Variants in HYKK observed in about 807,000 individuals in gnomAD.
HYKK encodes 5-hydroxy-L-lysine kinase.
In HYKK, 19 loss-of-function variants were observed where a neutral mutation model predicts 29.7. That is an observed-to-expected ratio of 0.64 (90% CI 0.45 to 0.94). HYKK has a LOEUF of 0.94. HYKK is among the 40% of genes least tolerant of loss of function. HYKK has a pLI of 0.00. For synonymous variants in HYKK, 152 were observed against 158.1 expected (o/e 0.96, Z 0.29); for missense variants, 390 against 443.4 (o/e 0.88, Z 1.08).
At chr15:78,515,917 T>C (rs913685441) in intron 3 of HYKK, among the ~76,000 whole-genome samples, 3 of 152,116 alleles carry the variant, frequency 2.0e-5, no homozygotes, top group African/African-American at 7.2e-5. Context: ...AAAAAATAAA[T>C]AAATCTTACT....
At chr15:78,530,344 G>T (rs1165217076) in intron 4 of HYKK, among the ~76,000 whole-genome samples, 1 of 152,046 alleles carries the variant, frequency 6.6e-6, no homozygotes, top group Non-Finnish European at 1.5e-5. Flanking sequence ...GTGGCCACAG[G>T]CGTGTGCCAC....
Position 78,533,689 on chromosome 15 carries a change from T to A in HYKK, c.*19T>A. 1 of 1,563,672 alleles carries A rather than the reference T, an allele frequency of 6.4e-7. No homozygotes were observed. The highest frequency in any genetic ancestry group is 8.8e-7 in the Non-Finnish European group (1 of 1,137,884). On this transcript the variant is annotated 3_prime_UTR_variant, in exon 5 of 5. Coordinates refer to ENST00000388988, the MANE Select transcript of HYKK (RefSeq NM_001013619.4). ...CATGTGACTGAGATCTCCATGTGAC[T>A]CAAAGTTCACTTTAACTTGGGTAAT...
At chr15:78,518,201 T>A (rs2052155976) in intron 3 of HYKK, among the ~76,000 whole-genome samples, 1 of 152,204 alleles carries the variant, frequency 6.6e-6, no homozygotes. Context: ...TTTTTTATTT[T>A]TTTTGAGACA....
chr15:78,508,583 G>T (rs190486039), intron 1 of HYKK, among the ~76,000 whole-genome samples: 1,565 of 152,064 alleles, frequency 0.01, 25 homozygotes, highest in African/African-American at 0.034. Context: ...TGCTTCCTGC[G>T]GGCTTTTTCA....
In HYKK at chr15:78,533,684, G is replaced by A; in HGVS notation, c.*14G>A. On this transcript the variant is annotated 3_prime_UTR_variant, in exon 5 of 5. Coordinates refer to ENST00000388988, the MANE Select transcript of HYKK (RefSeq NM_001013619.4). Reference sequence around the variant, plus strand: ...ATCTCCATGTGACTGAGATCTCCATGTGACTCAAAGTTCACTTTAACTTGG... The same window carrying A: ...ATCTCCATGTGACTGAGATCTCCATATGACTCAAAGTTCACTTTAACTTGG... 1 of 1,571,870 alleles carries A rather than the reference G, an allele frequency of 6.4e-7. No individual in the cohort carries two copies. Among genetic ancestry groups the A allele is most frequent in the Non-Finnish European group, 8.7e-7 (1 of 1,144,512 alleles).
rs574790152 is a variant in HYKK, at chr15:78,515,498, G to A, written c.477+391G>A. On this transcript the variant is annotated intron_variant, in intron 3 of 4. Coordinates refer to ENST00000388988, the MANE Select transcript of HYKK (RefSeq NM_001013619.4). ...CTTGGAAGACTGAGGCAGGAGAATC[G>A]CTTGAGCCAGGAGGTGGAGGTTGCA... is the stretch of plus-strand genomic sequence containing the variant. Among the ~76,000 whole-genome samples, 12 of 152,150 alleles carry A rather than the reference G, an allele frequency of 7.9e-5. No individual in the cohort carries two copies. The East Asian group carries it at 2.1e-3, about 27-fold the overall frequency.
At chr15:78,525,655 G>A (rs1486365970) in intron 3 of HYKK, among the ~76,000 whole-genome samples, 1 of 151,776 alleles carries the variant, frequency 6.6e-6, no homozygotes, top group East Asian at 1.9e-4. Context: ...CCACCACCAT[G>A]CCTGGCTAAT....
chr15:78,513,525 G>A, intron 2 of HYKK, 100 bp downstream of exon 2: 1 of 820,886 alleles, frequency 1.2e-6, no homozygotes, highest in Non-Finnish European at 1.9e-6. Flanking sequence ...AATTCCAAGT[G>A]TAGATGTGGT....
intron 2 of HYKK, among the ~76,000 whole-genome samples, chr15:78,514,481 G>A (rs953588395): frequency 9.2e-5 from 14 of 152,122 alleles, no homozygotes; most frequent in Admixed American, 5.9e-4. Flanking sequence ...CCAAATACGT[G>A]AGGCCCATTG....
At chr15:78,510,078 TTC>T (rs1277337220) in intron 1 of HYKK, among the ~76,000 whole-genome samples, 1 of 151,520 alleles carries the variant, frequency 6.6e-6, no homozygotes, top group Non-Finnish European at 1.5e-5. Context: ...CTCTTTTTTT[TTC>T]TTTCTTTCTT....
rs75392178 is a variant in HYKK at position 78,513,053 on chromosome 15, C to G, written c.-5-31C>G. 5,601 of 1,138,922 alleles carry G rather than the reference C, an allele frequency of 4.9e-3. 204 individuals carry two copies. The African/African-American group carries it at 0.074, about 15-fold the overall frequency. 70.6% of individuals were successfully genotyped at this position (1,138,922 alleles called of 1,614,324 possible). A position where few individuals can be genotyped will look rare whatever the true frequency, so the allele number is the denominator to read the frequency against. Reference sequence around the variant, plus strand: ...AAATAAATATATTCATCCTGTGTCCCCTTTCTGTTTGTTGCTTTTTGTTCC... The same window carrying G: ...AAATAAATATATTCATCCTGTGTCCGCTTTCTGTTTGTTGCTTTTTGTTCC... On this transcript the variant is annotated intron_variant, in intron 1 of 4. Coordinates refer to ENST00000388988, the MANE Select transcript of HYKK (RefSeq NM_001013619.4).
chr15:78,524,907 T>A (rs897771589), intron 3 of HYKK, among the ~76,000 whole-genome samples: 1 of 152,082 alleles, frequency 6.6e-6, no homozygotes, highest in Non-Finnish European at 1.5e-5. Flanking sequence ...AAACCATTCA[T>A]AAGAAACCAC....
At position 78,513,182 on chromosome 15, in the gene HYKK, T is replaced by G. The variant is rs766546939; in HGVS notation, c.94T>G (p.Leu32Val). 6.2e-7 allele frequency: 1 copy of G among 1,614,148 alleles called. No individual in the cohort carries two copies. The highest frequency in any genetic ancestry group is 1.1e-5 in the South Asian group (1 of 91,080). The change falls in exon 2 of 5, where the codon TTG (leucine) becomes GTG (valine). Residue 32 changes from leucine to valine, a missense_variant. Physicochemically the swap from Leu to Val is conservative, Grantham distance 32. Transcript: ENST00000388988. ...TGCGTTAGTGGAGTCAGTGTTTGGG[T>G]TGAAAGTTTCCAAGGTCCGGCCACT... The part of the protein sequence containing the change: ...ASALVESVFG[L>V]KVSKVRPLPS...
Position 78,533,837 on chromosome 15 carries a change from C to A in HYKK, c.*167C>A. The A allele has an allele frequency of 3.3e-6, 2 of 600,030 alleles. No homozygotes were observed. Among genetic ancestry groups the A allele is most frequent in the South Asian group, 4.3e-5 (2 of 46,500 alleles). The allele number at this position is 600,030 out of a possible 1,614,324, so 37.2% of individuals were successfully genotyped here. On this transcript the variant is annotated 3_prime_UTR_variant, in exon 5 of 5. Transcript: ENST00000388988. ...AATCCCTAAGGTCTTCAAGCAATCTCGTGACAATTTTTTAAAATTCACAAA... is the reference window on the plus strand; with the variant it reads ...AATCCCTAAGGTCTTCAAGCAATCTAGTGACAATTTTTTAAAATTCACAAA...
intron 1 of HYKK, 88 bp from the exon 2 acceptor site, chr15:78,512,996 A>T: frequency 1.4e-6 from 1 of 704,704 alleles, no homozygotes; most frequent in Non-Finnish European, 2.4e-6. Context: ...ATCAACAGAA[A>T]CATTACTGGT....
intron 1 of HYKK, among the ~76,000 whole-genome samples, chr15:78,512,400 CTTT>C (rs902963099): frequency 3.2e-5 from 4 of 125,666 alleles, no homozygotes; most frequent in Non-Finnish European, 5.1e-5. Flanking sequence ...TTTTCTTTTT[CTTT>C]TTTTTTTTTT....
intron 4 of HYKK, 41 bp from the exon 5 acceptor site, chr15:78,533,169 G>T: frequency 8.1e-7 from 1 of 1,232,616 alleles, no homozygotes; most frequent in South Asian, 1.4e-5. Flanking sequence ...AATGAATTGG[G>T]ATATTCAATA....
chr15:78,526,993 C>T (rs891056865), intron 3 of HYKK, among the ~76,000 whole-genome samples: 13 of 151,770 alleles, frequency 8.6e-5, no homozygotes, highest in East Asian at 5.8e-4. Flanking sequence ...TGTGTAGCAC[C>T]GGCCGGGCGA....
intron 3 of HYKK, among the ~76,000 whole-genome samples, chr15:78,520,282 G>T (rs552703197): frequency 1.3e-5 from 2 of 151,206 alleles, no homozygotes; most frequent in Admixed American, 1.3e-4. Flanking sequence ...GGTGTTTCTC[G>T]CAGAGGGGGA....
Sources: allele counts gnomAD v4.1 joint callset (sites outside exome capture counted in the v4.1 genomes callset), GRCh38; gene constraint gnomAD v4.1.1; transcripts MANE v1.5; gene names NCBI Gene and HGNC (gene_info 2026-07-23, HGNC 2026-07-21).